Variants in DDIAS observed in about 807,000 individuals in gnomAD.
DDIAS encodes the protein DNA damage induced apoptosis suppressor, also known as DNA damage-induced apoptosis suppressor protein.
DDIAS carries 14 observed loss-of-function variants against 15.7 expected under a neutral mutation model. That is an observed-to-expected ratio of 0.89 (90% CI 0.59 to 1.39). DDIAS has a LOEUF of 1.39. Among genes scored for constraint, DDIAS ranks in the 40% most tolerant of loss-of-function variants. The pLI is 0.00. For synonymous variants in DDIAS, 355 were observed against 395.9 expected (o/e 0.90, Z 1.23); for missense variants, 1,035 against 1,130.9 (o/e 0.92, Z 1.22).
chr11:82,925,180 T>A (rs1464856205), intron 3 of DDIAS, among the ~76,000 whole-genome samples: 1 of 152,252 alleles, frequency 6.6e-6, no homozygotes, highest in Non-Finnish European at 1.5e-5. Flanking sequence ...AAAACATAAC[T>A]ATTTTTCATA....
chr11:82,930,131 C>T (rs777510789), intron 4 of DDIAS, 26 bp from the exon 5 acceptor site: 1 of 1,369,142 alleles, frequency 7.3e-7, no homozygotes, highest in Admixed American at 2.2e-5. Flanking sequence ...CATTGCTTCA[C>T]ATTTTTTACT....
chr11:82,916,378 G>A (rs61902277), intron 3 of DDIAS, among the ~76,000 whole-genome samples: 3,417 of 152,242 alleles, frequency 0.022, 73 homozygotes, highest in East Asian at 0.091. Flanking sequence ...CTGACTGCCT[G>A]GATTCAAATT....
At chr11:82,923,445 A>G (rs1860797843) in intron 3 of DDIAS, among the ~76,000 whole-genome samples, 1 of 152,256 alleles carries the variant, frequency 6.6e-6, no homozygotes, top group South Asian at 2.1e-4. Context: ...GATCTTAGAG[A>G]TGCTGAAGAA....
rs774561512 is a variant in DDIAS at position 82,934,045 on chromosome 11, AAG to A, written c.2709_2710del (p.Lys904ThrfsTer5). Reference sequence around the variant, plus strand: ...CCCTGATCAACAAGAGTTACCAAGAAAGAAACTGAAACATATTAGACAAGGAA... The same window carrying A: ...CCCTGATCAACAAGAGTTACCAAGAAAAACTGAAACATATTAGACAAGGAA... ...HFPDQQELPR[K>X]KLKHIRQGTN... On this transcript the variant is annotated frameshift_variant, in exon 6 of 6. Transcript: ENST00000533655. LOFTEE classifies it low-confidence loss of function (END_TRUNC). 6.2e-7 allele frequency: 1 copy of A among 1,613,750 alleles called. No individual in the cohort carries two copies. The highest frequency in any genetic ancestry group is 8.5e-7 in the Non-Finnish European group (1 of 1,179,834).
chr11:82,902,228 GCCATGTGCTTAAA>G (rs1182467137), intron 1 of DDIAS, among the ~76,000 whole-genome samples: 1 of 152,182 alleles, frequency 6.6e-6, no homozygotes, highest in Non-Finnish European at 1.5e-5. Context: ...TTTTAACTGA[GCCATGTGCTTAAA>G]CCAGAGCTTG....
chr11:82,904,990 G>A (rs1041046517), intron 1 of DDIAS, among the ~76,000 whole-genome samples: 5 of 152,076 alleles, frequency 3.3e-5, no homozygotes, highest in East Asian at 1.9e-4. Flanking sequence ...GTAATTTTTC[G>A]TGGTAAATTA....
At chr11:82,918,374 G>T (rs999821619) in intron 3 of DDIAS, among the ~76,000 whole-genome samples, 1 of 152,158 alleles carries the variant, frequency 6.6e-6, no homozygotes, top group Non-Finnish European at 1.5e-5. Flanking sequence ...CTTTGTCAAA[G>T]ATCAGTTGGC....
chr11:82,930,405 A>C, intron 5 of DDIAS, 131 bp downstream of exon 5: 1 of 654,218 alleles, frequency 1.5e-6, no homozygotes, highest in Non-Finnish European at 2.5e-6. Context: ...AACTATGTAA[A>C]AATAGCCTAT....
intron 1 of DDIAS, among the ~76,000 whole-genome samples, chr11:82,908,782 A>G (rs1354051398): frequency 6.6e-6 from 1 of 152,228 alleles, no homozygotes; most frequent in Non-Finnish European, 1.5e-5. Flanking sequence ...CTTACAACAA[A>G]AAGTAGCCTT....
chr11:82,910,606 C>CTCTCTCTCTCTTTTTTTTTTT (rs1860513434), intron 1 of DDIAS, among the ~76,000 whole-genome samples: 1 of 89,108 alleles, frequency 1.1e-5, no homozygotes, highest in African/African-American at 5.4e-5. Flanking sequence ...CTCTCTCTCT[C>CTCTCTCTCTCTTTTTTTTTTT]TTTTTTTTTT....
chr11:82,914,852 G>T lies in DDIAS; in HGVS notation c.113+1G>T. On this transcript the variant is annotated splice_donor_variant, in intron 3 of 5. Transcript: ENST00000533655. LOFTEE classifies it high-confidence loss of function. ...CTAGGATAATCCTGGTCTCCAAAAG[G>T]TAAAAGTAAAGTCTGTAAGTGTGAG... 1 of 1,547,484 alleles carries T rather than the reference G, an allele frequency of 6.5e-7. No individual in the cohort carries two copies. Among genetic ancestry groups the T allele is most frequent in the Non-Finnish European group, 8.9e-7 (1 of 1,123,242 alleles).
chr11:82,933,882 C>T lies in DDIAS; in HGVS notation c.2544C>T (p.Phe848=). 3 of 1,614,038 alleles carry T rather than the reference C, an allele frequency of 1.9e-6. No homozygotes were observed. Among genetic ancestry groups the T allele is most frequent in the Non-Finnish European group, 2.5e-6 (3 of 1,179,978 alleles). ...IVSGVSQPDV[F]NHYPFAECHE... ...CTGGTGTTTCACAACCAGACGTTTT[C>T]AATCACTACCCTTTTGCTGAGTGCC... is the stretch of plus-strand genomic sequence containing the variant. The change falls in exon 6 of 6, where the codon TTC becomes TTT. Residue 848 remains phenylalanine, a synonymous_variant. Coordinates refer to ENST00000533655, the MANE Select transcript of DDIAS (RefSeq NM_145018.4).
chr11:82,931,253 C>G (rs943217000), intron 5 of DDIAS, among the ~76,000 whole-genome samples: 1 of 152,174 alleles, frequency 6.6e-6, no homozygotes, highest in Admixed American at 6.5e-5. Context: ...GGTTTATATT[C>G]TCTTACATAT....
intron 3 of DDIAS, among the ~76,000 whole-genome samples, chr11:82,919,234 G>T (rs1371299388): frequency 6.6e-6 from 1 of 152,162 alleles, no homozygotes; most frequent in Admixed American, 6.5e-5. Context: ...CTGTGGGTTT[G>T]TCATAGATGG....
chr11:82,932,165 C>G lies in DDIAS; in HGVS notation c.827C>G (p.Ser276Cys), dbSNP rs141574290. ...AFGTLQQNRKSISIAEATGSS... is the reference protein window; with the variant it reads ...AFGTLQQNRKCISIAEATGSS... ...GGTACTCTTCAGCAGAACAGAAAGT[C>G]CATCTCCATTGCAGAGGCCACTGGT... Residue 276 changes from serine to cysteine, a missense_variant, in exon 6 of 6, where the codon TCC becomes TGC. Physicochemically the swap from Ser to Cys is moderately radical, Grantham distance 112. Coordinates refer to ENST00000533655, the MANE Select transcript of DDIAS (RefSeq NM_145018.4). The G allele has an allele frequency of 1.9e-6, 3 of 1,614,046 alleles. No individual in the cohort carries two copies. Among genetic ancestry groups the G allele is most frequent in the African/African-American group, 2.7e-5 (2 of 74,928 alleles).
At chr11:82,907,269 TA>T (rs1352717761) in intron 1 of DDIAS, among the ~76,000 whole-genome samples, 1 of 151,660 alleles carries the variant, frequency 6.6e-6, no homozygotes, top group Non-Finnish European at 1.5e-5. Flanking sequence ...TACTAGCACA[TA>T]AAGAGCAAAA....
intron 3 of DDIAS, among the ~76,000 whole-genome samples, chr11:82,925,196 A>G (rs1860834089): frequency 6.6e-6 from 1 of 152,236 alleles, no homozygotes; most frequent in African/African-American, 2.4e-5. Flanking sequence ...TCATAAAAGT[A>G]TGTTTTTTGT....
At chr11:82,907,474 C>T (rs751122062) in intron 1 of DDIAS, among the ~76,000 whole-genome samples, 2 of 152,288 alleles carry the variant, frequency 1.3e-5, no homozygotes, top group African/African-American at 2.4e-5. Flanking sequence ...TTCTGGTTAT[C>T]GTATGGCGTC....
chr11:82,911,957 G>T (rs1114961), intron 1 of DDIAS, among the ~76,000 whole-genome samples: 71,738 of 151,984 alleles, frequency 0.47, 17,107 homozygotes, highest in African/African-American at 0.53. Flanking sequence ...GCATTAATAT[G>T]TTGAAAGGAA....
Sources: allele counts gnomAD v4.1 joint callset (sites outside exome capture counted in the v4.1 genomes callset), GRCh38; gene constraint gnomAD v4.1.1; transcripts MANE v1.5; gene names NCBI Gene and HGNC (gene_info 2026-07-23, HGNC 2026-07-21).